DMRT1: variants seen among roughly 807,000 people sequenced by gnomAD.
DMRT1 encodes doublesex- and mab-3-related transcription factor 1.
In DMRT1, 7 loss-of-function variants were observed where a neutral mutation model predicts 32.3. The ratio of observed to expected loss-of-function variants is 0.22; its 90% CI spans 0.12 to 0.41. The LOEUF is 0.41. DMRT1 is among the 10% of genes least tolerant of loss of function. The pLI, the probability that DMRT1 is intolerant of heterozygous loss-of-function variation, is 1.00. For missense variants in DMRT1, 625 were observed against 500.5 expected (o/e 1.25, Z -2.37); for synonymous variants, 278 against 206.1 (o/e 1.35, Z -2.99).
intron 4 of DMRT1, among the ~76,000 whole-genome samples, chr9:923,147 G>A (rs940042494): frequency 6.6e-6 from 1 of 152,168 alleles, no homozygotes; most frequent in Non-Finnish European, 1.5e-5. Context: ...CTTGCTTAAT[G>A]CTGCATGTCA....
At chr9:855,264 A>C (rs1416939556) in intron 2 of DMRT1, among the ~76,000 whole-genome samples, 1 of 147,438 alleles carries the variant, frequency 6.8e-6, no homozygotes, top group Non-Finnish European at 1.5e-5. Flanking sequence ...ACTAGAAAGG[A>C]AATTTAGAAA....
intron 3 of DMRT1, among the ~76,000 whole-genome samples, chr9:904,425 G>C (rs1413742943): frequency 1.3e-5 from 2 of 152,148 alleles, no homozygotes; most frequent in East Asian, 3.8e-4. Flanking sequence ...TGAAAATCAA[G>C]GGAATGCATA....
chr9:846,249 T>C (rs995683120), intron 1 of DMRT1, among the ~76,000 whole-genome samples: 6 of 152,096 alleles, frequency 3.9e-5, no homozygotes, highest in Non-Finnish European at 8.8e-5. Context: ...GCCAGGCCGA[T>C]CTCGAACTCC....
chr9:900,039 T>C (rs1353268419), intron 3 of DMRT1, among the ~76,000 whole-genome samples: 1 of 152,244 alleles, frequency 6.6e-6, no homozygotes, highest in Non-Finnish European at 1.5e-5. Flanking sequence ...TGTCTTAACA[T>C]GCTTCCAGAG....
intron 3 of DMRT1, among the ~76,000 whole-genome samples, chr9:898,042 C>T (rs957948482): frequency 6.6e-6 from 1 of 150,544 alleles, no homozygotes; most frequent in African/African-American, 2.5e-5. Context: ...CAAATAATAC[C>T]TTTAGCTAAT....
At chr9:864,209 T>C (rs199907774) in intron 2 of DMRT1, among the ~76,000 whole-genome samples, 2 of 42,726 alleles carry the variant, frequency 4.7e-5, no homozygotes, top group Non-Finnish European at 7.3e-5. Context: ...TCTTCTTTTT[T>C]TTCTTTTTTT....
intron 4 of DMRT1, among the ~76,000 whole-genome samples, chr9:961,568 C>A (rs1819774153): frequency 6.6e-6 from 1 of 152,174 alleles, no homozygotes; most frequent in African/African-American, 2.4e-5. Context: ...TTCTCACCTC[C>A]CTCCTCAAAA....
intron 3 of DMRT1, among the ~76,000 whole-genome samples, chr9:910,632 G>A (rs558585637): frequency 2.6e-5 from 4 of 151,992 alleles, no homozygotes; most frequent in South Asian, 4.2e-4. Flanking sequence ...TTATGGCTCG[G>A]GTTTACTGTA....
chr9:923,893 G>A (rs4471109), intron 4 of DMRT1, among the ~76,000 whole-genome samples: 106,538 of 151,608 alleles, frequency 0.7, 38,163 homozygotes, highest in South Asian at 0.89. Context: ...GAACTTTGTA[G>A]GTAAATCTGT....
chr9:890,900 T>G (rs1466247868), intron 2 of DMRT1, among the ~76,000 whole-genome samples: 1 of 136,704 alleles, frequency 7.3e-6, no homozygotes, highest in Admixed American at 7.1e-5. Context: ...TTTTTTTGTA[T>G]TTTTTTTTTA....
chr9:913,816 C>T (rs1208885564), intron 3 of DMRT1, among the ~76,000 whole-genome samples: 2 of 152,128 alleles, frequency 1.3e-5, no homozygotes, highest in Non-Finnish European at 1.5e-5. Context: ...TCGCTTGAAG[C>T]CAGGAAGCAG....
At chr9:859,213 T>A (rs1815543851) in intron 2 of DMRT1, among the ~76,000 whole-genome samples, 1 of 152,190 alleles carries the variant, frequency 6.6e-6, no homozygotes, top group Non-Finnish European at 1.5e-5. Context: ...TATTGCTGAC[T>A]TCTTCCTTTG....
At chr9:882,741 G>GC (rs1053674568) in intron 2 of DMRT1, among the ~76,000 whole-genome samples, 2 of 147,578 alleles carry the variant, frequency 1.4e-5, no homozygotes, top group Non-Finnish European at 3.0e-5. Flanking sequence ...GCTCAGTGGC[G>GC]CCCCCGTCTC....
chr9:871,697 A>G (rs918362252), intron 2 of DMRT1, among the ~76,000 whole-genome samples: 4 of 150,056 alleles, frequency 2.7e-5, no homozygotes, highest in Admixed American at 2.6e-4. Flanking sequence ...GATGGTCTCA[A>G]TCTCCTGACC....
intron 2 of DMRT1, among the ~76,000 whole-genome samples, chr9:847,868 C>T (rs74627662): frequency 0.017 from 2,562 of 152,240 alleles, 52 homozygotes; most frequent in African/African-American, 0.048. Context: ...TAAATGAAAA[C>T]ATTCGGTTTC....
Position 965,129 on chromosome 9 carries a change from G to A in DMRT1, c.968-2856G>A, listed in dbSNP as rs1819892498. ...GGTACCTCTGAGGGACGATCTTTAA[G>A]GATGGTAGTAAAAGTGATTTTGGAC... is the stretch of plus-strand genomic sequence containing the variant. On this transcript the variant is annotated intron_variant, in intron 4 of 4. Coordinates refer to ENST00000382276, the MANE Select transcript of DMRT1 (RefSeq NM_021951.3). The surrounding 1 kb of genome is among the most constrained non-coding windows in gnomAD (Gnocchi z 4.5). 6.6e-6 allele frequency among the ~76,000 whole-genome samples: 1 copy of A among 152,192 alleles called. No individual in the cohort carries two copies. The highest frequency in any genetic ancestry group is 1.5e-5 in the Non-Finnish European group (1 of 68,038).
intron 2 of DMRT1, among the ~76,000 whole-genome samples, chr9:889,922 G>A (rs1817074187): frequency 6.6e-6 from 1 of 152,110 alleles, no homozygotes; most frequent in Non-Finnish European, 1.5e-5. Context: ...GTTTATGACT[G>A]CATGGTAGGA....
intron 3 of DMRT1, among the ~76,000 whole-genome samples, chr9:906,926 T>TGATTGATATAG (rs1333880513): frequency 6.6e-6 from 1 of 152,356 alleles, no homozygotes; most frequent in Non-Finnish European, 1.5e-5. Flanking sequence ...TTGATCTCTC[T>TGATTGATATAG]GAGCAGTTTC....
intron 4 of DMRT1, among the ~76,000 whole-genome samples, chr9:953,790 A>C (rs749322243): frequency 6.6e-6 from 1 of 152,188 alleles, no homozygotes; most frequent in Non-Finnish European, 1.5e-5. Context: ...GCTTTGTCTC[A>C]TGACAGTGAT....
Sources: allele counts gnomAD v4.1 joint callset (sites outside exome capture counted in the v4.1 genomes callset), GRCh38; gene constraint gnomAD v4.1.1; non-coding constraint Gnocchi (gnomAD v3.1); transcripts MANE v1.5; gene names NCBI Gene and HGNC (gene_info 2026-07-23, HGNC 2026-07-21).